Variants in SLC5A7 observed in about 807,000 individuals in gnomAD.
SLC5A7 encodes solute carrier family 5 member 7.
A neutral mutation model predicts 55.4 loss-of-function variants in SLC5A7; 19 were observed. That is an observed-to-expected ratio of 0.34 (90% CI 0.24 to 0.50). The LOEUF is 0.50. SLC5A7 is among the 20% of genes least tolerant of loss of function. The probability of loss-of-function intolerance (pLI) is 0.98; values close to 1 mark genes in which losing one functional copy is unlikely to be tolerated. For synonymous variants in SLC5A7, 265 were observed against 263.7 expected (o/e 1.00, Z -0.05); for missense variants, 506 against 705.3 (o/e 0.72, Z 3.20).
chr2:107,986,784 C>A (rs897459285), intron 1 of SLC5A7, 21 bp downstream of exon 1: 1 of 152,190 alleles, frequency 6.6e-6, no homozygotes, highest in African/African-American at 2.4e-5. Context: ...AGCGGGCATT[C>A]CTGCGCCTAC....
intron 8 of SLC5A7, 40 bp from the exon 9 acceptor site, chr2:108,010,192 A>C: frequency 1.9e-6 from 3 of 1,590,718 alleles, no homozygotes; most frequent in Non-Finnish European, 2.6e-6. Context: ...ATGAGCCAAG[A>C]CACTGTGCAA....
chr2:107,987,144 A>G (rs1205039818), intron 1 of SLC5A7, among the ~76,000 whole-genome samples: 1 of 152,004 alleles, frequency 6.6e-6, no homozygotes, highest in Admixed American at 6.5e-5. Context: ...TGCACGCACA[A>G]ATGTCAGAGT....
chr2:107,997,880 C>G lies in SLC5A7; in HGVS notation c.491C>G (p.Ser164Cys). 1.2e-6 allele frequency: 2 copies of G among 1,612,842 alleles called. No individual in the cohort carries two copies. The highest frequency in any genetic ancestry group is 1.7e-6 in the Non-Finnish European group (2 of 1,179,296). Residue 164 changes from serine to cysteine, a missense_variant, in exon 5 of 9, where the codon TCT becomes TGT. Ser to Cys is a moderately radical substitution (Grantham distance 112). This residue lies in a region of SLC5A7 where 309 missense variants were observed against 478.6 expected (regional missense o/e 0.65). Transcript: ENST00000264047. ...ATCATCGATGTGGATATGCACATTT[C>G]TGTCATCATCTCTGCACTCATTGCC... ...SVIIDVDMHI[S>C]VIISALIATL...
chr2:107,994,580 T>G (rs1045291869), intron 4 of SLC5A7, among the ~76,000 whole-genome samples: 2 of 151,948 alleles, frequency 1.3e-5, no homozygotes, highest in South Asian at 4.2e-4. Context: ...AGTGAGACTC[T>G]GTCTCAAAAA....
In SLC5A7 at chr2:108,012,917, A is replaced by G. The variant is rs1279606806; in HGVS notation, c.*2056A>G. On this transcript the variant is annotated 3_prime_UTR_variant, in exon 9 of 9. Coordinates refer to ENST00000264047, the MANE Select transcript of SLC5A7 (RefSeq NM_021815.5). ...TTATTCCAGATGCACCATGCTACCC[A>G]GCATGCTACCTGAATGGCGGTTTTT... The G allele has an allele frequency of 6.6e-6, 1 of 152,158 alleles. No individual in the cohort carries two copies. Among genetic ancestry groups the G allele is most frequent in the Non-Finnish European group, 1.5e-5 (1 of 68,020 alleles). 9.4% of individuals were successfully genotyped at this position (152,158 alleles called of 1,614,324 possible). A position where few individuals can be genotyped will look rare whatever the true frequency, so the allele number is the denominator to read the frequency against.
At chr2:108,000,416 GAT>G (rs1677838616) in intron 5 of SLC5A7, among the ~76,000 whole-genome samples, 2 of 151,474 alleles carry the variant, frequency 1.3e-5, no homozygotes, top group African/African-American at 4.8e-5. Context: ...CTTTTATATG[GAT>G]ATATATTTCA....
At chr2:108,000,458 TTTTG>T (rs1677841065) in intron 5 of SLC5A7, among the ~76,000 whole-genome samples, 1 of 152,016 alleles carries the variant, frequency 6.6e-6, no homozygotes, top group African/African-American at 2.4e-5. Flanking sequence ...TTTTATTTTA[TTTTG>T]TTTATTATTA....
chr2:107,993,853 A>G (rs1677551258), intron 4 of SLC5A7, among the ~76,000 whole-genome samples: 1 of 152,252 alleles, frequency 6.6e-6, no homozygotes, highest in South Asian at 2.1e-4. Context: ...ATAGGTAAGT[A>G]ATGTAAGTCA....
rs753442687 is a variant in SLC5A7 at position 107,988,174 on chromosome 2, G to C, written c.19G>C (p.Gly7Arg). The C allele has an allele frequency of 6.2e-7, 1 of 1,613,342 alleles. No individual in the cohort carries two copies. Among genetic ancestry groups the C allele is most frequent in the African/African-American group, 1.3e-5 (1 of 75,062 alleles). Residue 7 changes from glycine (G) to arginine (R), a missense_variant, in exon 2 of 9, where the codon GGA becomes CGA. This residue lies in a region of SLC5A7 where 56 missense variants were observed against 62.6 expected (regional missense o/e 0.89). Transcript: ENST00000264047. Reference sequence around the variant, plus strand: ...GATAAAAATGGCTTTCCATGTGGAAGGACTGATAGCTATCATCGTGTTCTA... The same window carrying C: ...GATAAAAATGGCTTTCCATGTGGAACGACTGATAGCTATCATCGTGTTCTA... MAFHVE[G>R]LIAIIVFYLL...
intron 5 of SLC5A7, among the ~76,000 whole-genome samples, chr2:107,998,455 CAAAG>C (rs1326264847): frequency 2.0e-5 from 3 of 152,082 alleles, no homozygotes; most frequent in Non-Finnish European, 2.9e-5. Flanking sequence ...GGTCTAAAAA[CAAAG>C]AAAATTCTTA....
chr2:108,002,114 T>C (rs1677933761), intron 6 of SLC5A7, 74 bp downstream of exon 6: 2 of 1,541,190 alleles, frequency 1.3e-6, no homozygotes, highest in South Asian at 1.2e-5. Flanking sequence ...GATTTTCATA[T>C]TCATAGTAAA....
chr2:107,998,181 A>G (rs1677750030), intron 5 of SLC5A7, among the ~76,000 whole-genome samples, 195 bp downstream of exon 5: 1 of 152,220 alleles, frequency 6.6e-6, no homozygotes, highest in Admixed American at 6.5e-5. Context: ...ATTTGACAGA[A>G]AAGTGTGCTC....
rs333219 is a variant in SLC5A7, at chr2:107,992,356, A to G, written c.292+137A>G. The G allele has an allele frequency of 3.5e-3, 1,696 of 483,556 alleles. 29 individuals carry two copies. The highest frequency in any genetic ancestry group is 0.031 in the African/African-American group (1,556 of 50,928). 30.0% of individuals were successfully genotyped at this position (483,556 alleles called of 1,614,324 possible). On this transcript the variant is annotated intron_variant, in intron 3 of 8. Coordinates refer to ENST00000264047, the MANE Select transcript of SLC5A7 (RefSeq NM_021815.5). ...TGTCCCCAGAGATCTTTAAGGAGTC[A>G]TTACCAGAAACTGGTAAGTAGCAGA...
At position 108,011,889 on chromosome 2, in the gene SLC5A7, C is replaced by A. The variant is rs972403063; in HGVS notation, c.*1028C>A. The stretch of plus-strand genomic sequence containing the variant: ...TAGTAAAATTAGAAAAAAACAAACT[C>A]TACTAATTTTTAGATATTCATTAAT... On this transcript the variant is annotated 3_prime_UTR_variant, in exon 9 of 9. Transcript: ENST00000264047. 17 of 152,384 alleles carry A rather than the reference C, an allele frequency of 1.1e-4. No homozygotes were observed. Among genetic ancestry groups the A allele is most frequent in the African/African-American group, 4.1e-4 (17 of 41,376 alleles). 9.4% of individuals were successfully genotyped at this position (152,384 alleles called of 1,614,324 possible).
intron 3 of SLC5A7, 125 bp downstream of exon 3, chr2:107,992,344 C>T (rs1677482730): frequency 2.0e-6 from 1 of 510,620 alleles, no homozygotes; most frequent in Non-Finnish European, 3.5e-6. Flanking sequence ...CCCCAGAGAT[C>T]TTTAAGGAGT....
In SLC5A7 at chr2:108,001,979, C is replaced by T; in HGVS notation, c.680C>T (p.Pro227Leu). The change falls in exon 6 of 9, where the codon CCG becomes CTG. Residue 227 changes from proline to leucine, a missense_variant. Pro to Leu is a moderately conservative substitution (Grantham distance 98). Coordinates refer to ENST00000264047, the MANE Select transcript of SLC5A7 (RefSeq NM_021815.5). The stretch of plus-strand genomic sequence containing the variant: ...GCTGTGCATGCCAAATACCAAAAGC[C>T]GTGGCTGGGAACTGTTGACTCATCT... ...FTAVHAKYQK[P>L]WLGTVDSSEV... 1.2e-6 allele frequency: 2 copies of T among 1,614,182 alleles called. No individual in the cohort carries two copies. The highest frequency in any genetic ancestry group is 1.7e-6 in the Non-Finnish European group (2 of 1,180,030).
intron 2 of SLC5A7, among the ~76,000 whole-genome samples, chr2:107,989,042 C>T (rs889243888): frequency 5.9e-5 from 9 of 152,190 alleles, no homozygotes; most frequent in Admixed American, 2.0e-4. Context: ...TTAGCAGGAG[C>T]TGATATTCTT....
At chr2:107,997,249 T>G (rs1206659913) in intron 4 of SLC5A7, among the ~76,000 whole-genome samples, 1 of 152,238 alleles carries the variant, frequency 6.6e-6, no homozygotes, top group African/African-American at 2.4e-5. Context: ...TGTTTAGATA[T>G]GATGTGTAGA....
At chr2:108,001,209 ATG>A (rs141690168) in intron 5 of SLC5A7, among the ~76,000 whole-genome samples, 164 of 149,926 alleles carry the variant, frequency 1.1e-3, no homozygotes, top group African/African-American at 3.2e-3. Context: ...CTATTTATGT[ATG>A]TGTGTGTGTG....
Sources: gnomAD v4.1 joint callset for allele counts (sites outside exome capture counted in the v4.1 genomes callset) on GRCh38, gnomAD v4.1.1 for gene constraint, gnomAD v4.1.1 regional missense constraint, MANE v1.5 for transcripts, NCBI Gene and HGNC (gene_info 2026-07-23, HGNC 2026-07-21) for gene names.